The following COL24A1 variants were observed in gnomAD, a reference collection of about 807,000 sequenced individuals.
COL24A1 encodes the protein collagen alpha-1(XXIV) chain.
A neutral mutation model predicts 253.9 loss-of-function variants in COL24A1; 224 were observed. The ratio of observed to expected loss-of-function variants is 0.88; its 90% CI spans 0.79 to 0.99. The LOEUF is 0.99. COL24A1 is among the 50% of genes least tolerant of loss of function. The probability of loss-of-function intolerance (pLI) is 0.00; values close to 1 mark genes in which losing one functional copy is unlikely to be tolerated. For missense variants in COL24A1, 2,131 were observed against 2,068.5 expected, an observed-to-expected ratio of 1.03 and a Z score of -0.59; for synonymous variants, 685 against 673.7, an observed-to-expected ratio of 1.02 and a Z score of -0.26.
At chr1:86,064,019 G>A (rs1033457483) in intron 7 of COL24A1, among the ~76,000 whole-genome samples, 5 of 151,800 alleles carry the variant, frequency 3.3e-5, no homozygotes, top group Non-Finnish European at 5.9e-5. Context: ...CAACTAAAAT[G>A]GTAGCATAGT....
intron 36 of COL24A1, 24 bp from the exon 37 acceptor site, chr1:85,868,650 C>G (rs182143689): frequency 1.0e-4 from 161 of 1,589,734 alleles, no homozygotes; most frequent in African/African-American, 4.4e-4. Context: ...AAAAAGTTTT[C>G]TATAAAGGAA....
chr1:86,145,321 G>C (rs989624188), intron 2 of COL24A1, among the ~76,000 whole-genome samples: 1 of 152,088 alleles, frequency 6.6e-6, no homozygotes, highest in Non-Finnish European at 1.5e-5. Context: ...CTGTGCAGAA[G>C]AGCCCTTTGC....
At chr1:86,053,738 TG>T (rs1700481733) in intron 10 of COL24A1, among the ~76,000 whole-genome samples, 1 of 152,058 alleles carries the variant, frequency 6.6e-6, no homozygotes, top group South Asian at 2.1e-4. Flanking sequence ...AAAATTATGA[TG>T]TGTTTTAAAC....
intron 8 of COL24A1, among the ~76,000 whole-genome samples, chr1:86,063,318 T>C (rs1015879911): frequency 3.3e-5 from 5 of 151,808 alleles, no homozygotes; most frequent in African/African-American, 4.8e-5. Context: ...AGTGAACTGG[T>C]AAGTTCCTGA....
intron 43 of COL24A1, among the ~76,000 whole-genome samples, chr1:85,829,497 G>A (rs2102074959): frequency 6.6e-6 from 1 of 151,916 alleles, no homozygotes; most frequent in African/African-American, 2.4e-5. Context: ...AAATTCTCCT[G>A]GATAATATCC....
intron 1 of COL24A1, among the ~76,000 whole-genome samples, chr1:86,152,992 GTT>G (rs1342282205): frequency 6.6e-6 from 1 of 152,120 alleles, no homozygotes; most frequent in African/African-American, 2.4e-5. Flanking sequence ...TCTGGTCTCT[GTT>G]TATCTCTCCA....
At chr1:86,087,680 TC>T (rs1034482150) in intron 7 of COL24A1, among the ~76,000 whole-genome samples, 5 of 152,194 alleles carry the variant, frequency 3.3e-5, no homozygotes, top group African/African-American at 1.2e-4. Flanking sequence ...TGAGATCATA[TC>T]CATATTATGA....
intron 37 of COL24A1, 99 bp from the exon 38 acceptor site, chr1:85,849,505 C>A: frequency 3.3e-6 from 3 of 915,056 alleles, no homozygotes; most frequent in Admixed American, 2.2e-5. Context: ...TTGGATTGGA[C>A]GAGAAGTAAA....
chr1:86,107,684 C>A (rs12123697), intron 5 of COL24A1, among the ~76,000 whole-genome samples: 6 of 151,828 alleles, frequency 4.0e-5, no homozygotes, highest in Non-Finnish European at 7.4e-5. Context: ...ACAGGCGCCT[C>A]CCACCACGCC....
At chr1:86,140,235 C>T (rs1156507962) in intron 2 of COL24A1, among the ~76,000 whole-genome samples, 3 of 152,164 alleles carry the variant, frequency 2.0e-5, no homozygotes, top group Non-Finnish European at 4.4e-5. Flanking sequence ...AAGAAACTTG[C>T]TCAAGGTCAG....
chr1:86,041,400 G>A (rs556122271), intron 12 of COL24A1, among the ~76,000 whole-genome samples: 1 of 152,080 alleles, frequency 6.6e-6, no homozygotes, highest in African/African-American at 2.4e-5. Context: ...TGGCAAGTCA[G>A]TTCTAGCATA....
rs557259027 is a variant in COL24A1 at position 85,774,518 on chromosome 1, G to C, written c.4374+1156C>G. The stretch of plus-strand genomic sequence containing the variant: ...TTGGTCCTGGACTTTGTTTTGGTTG[G>C]TAAGCTATTAATTATTGCCTCAATT... On this transcript the variant is annotated intron_variant, in intron 53 of 59. Coordinates refer to ENST00000370571, the MANE Select transcript of COL24A1 (RefSeq NM_152890.7). 2.0e-5 allele frequency among the ~76,000 whole-genome samples: 3 copies of C among 152,236 alleles called. No homozygotes were observed. In the East Asian group the frequency reaches 5.8e-4, roughly 29 times the overall value.
intron 10 of COL24A1, among the ~76,000 whole-genome samples, chr1:86,051,197 C>G (rs536930853): frequency 6.6e-6 from 1 of 152,082 alleles, no homozygotes; most frequent in South Asian, 2.1e-4. Flanking sequence ...ATTTTAGTAG[C>G]CATTTTGTGT....
intron 53 of COL24A1, 67 bp downstream of exon 53, chr1:85,775,607 C>G (rs1418030484): frequency 7.8e-7 from 1 of 1,288,450 alleles, no homozygotes; most frequent in Middle Eastern, 1.9e-4. Flanking sequence ...CTAACAGGGT[C>G]CTTGCTTTCA....
intron 3 of COL24A1, among the ~76,000 whole-genome samples, chr1:86,118,362 C>G (rs551461284): frequency 1.3e-3 from 198 of 152,218 alleles, no homozygotes; most frequent in African/African-American, 4.6e-3. Context: ...TGTGCCTGGC[C>G]TAATTAACTT....
intron 18 of COL24A1, among the ~76,000 whole-genome samples, chr1:86,019,230 G>A (rs886851951): frequency 1.3e-5 from 2 of 152,016 alleles, no homozygotes; most frequent in African/African-American, 2.4e-5. Context: ...AGAAGGAAAG[G>A]TTTCCTGGTC....
chr1:86,118,261 C>T (rs1336220364), intron 3 of COL24A1, among the ~76,000 whole-genome samples: 2 of 152,032 alleles, frequency 1.3e-5, no homozygotes, highest in East Asian at 3.9e-4. Flanking sequence ...GACGGGGTTT[C>T]ACCATGTTGG....
At chr1:85,925,828 C>T (rs1571246978) in intron 24 of COL24A1, among the ~76,000 whole-genome samples, 1 of 152,206 alleles carries the variant, frequency 6.6e-6, no homozygotes, top group Non-Finnish European at 1.5e-5. Flanking sequence ...CAAATGGGAT[C>T]TAGTTAAACT....
intron 28 of COL24A1, among the ~76,000 whole-genome samples, chr1:85,906,006 G>A (rs1684781251): frequency 6.6e-6 from 1 of 151,742 alleles, no homozygotes; most frequent in Admixed American, 6.6e-5. Context: ...TGGCAGTTTG[G>A]GTACAAATCA....
Sources: allele counts gnomAD v4.1 joint callset (sites outside exome capture counted in the v4.1 genomes callset), GRCh38; gene constraint gnomAD v4.1.1; transcripts MANE v1.5; gene names NCBI Gene and HGNC (gene_info 2026-07-23, HGNC 2026-07-21).